AHCTF1: variants seen among roughly 807,000 people sequenced by gnomAD.
AHCTF1 encodes AT-hook containing transcription factor 1.
A neutral mutation model predicts 248.4 loss-of-function variants in AHCTF1; 24 were observed. The ratio of observed to expected loss-of-function variants is 0.10; its 90% CI spans 0.07 to 0.14. AHCTF1 has a LOEUF of 0.14. Among genes scored for constraint, AHCTF1 ranks in the 10% least tolerant of loss-of-function variants. The pLI, the probability that AHCTF1 is intolerant of heterozygous loss-of-function variation, is 1.00. For synonymous variants in AHCTF1, 786 were observed against 929.8 expected (o/e 0.85, Z 2.81); for missense variants, 2,206 against 2,636.2 (o/e 0.84, Z 3.57).
chr1:246,918,450 G>GA, intron 1 of AHCTF1, 73 bp from the exon 2 acceptor site: 2 of 1,350,272 alleles, frequency 1.5e-6, no homozygotes, highest in Non-Finnish European at 2.0e-6. Flanking sequence ...GTCCAGCCAG[G>GA]AAAAACAGTA....
At chr1:246,878,110 A>G (rs560733683) in intron 21 of AHCTF1, among the ~76,000 whole-genome samples, 2 of 152,180 alleles carry the variant, frequency 1.3e-5, no homozygotes, top group South Asian at 2.1e-4. Flanking sequence ...AAGAATATAC[A>G]GTAAGAGCCA....
intron 33 of AHCTF1, 63 bp downstream of exon 33, chr1:246,849,551 TA>T: frequency 6.6e-7 from 1 of 1,522,910 alleles, no homozygotes; most frequent in Non-Finnish European, 8.8e-7. Context: ...TTAGGACAAA[TA>T]ACCAAATTTT....
chr1:246,854,775 T>TAAGTGCAGAACTGGG (rs574949000), intron 31 of AHCTF1, among the ~76,000 whole-genome samples: 3 of 152,168 alleles, frequency 2.0e-5, no homozygotes, highest in Non-Finnish European at 4.4e-5. Context: ...ACACAGCCCT[T>TAAGTGCAGAACTGGG]AAGTGCAGAA....
chr1:246,873,700 T>C (rs1455567342), intron 24 of AHCTF1, among the ~76,000 whole-genome samples: 4 of 152,220 alleles, frequency 2.6e-5, no homozygotes, highest in Non-Finnish European at 5.9e-5. Flanking sequence ...TGTCCTATAC[T>C]GAATATACTA....
At chr1:246,926,045 T>C (rs1666900172) in intron 1 of AHCTF1, among the ~76,000 whole-genome samples, 1 of 107,614 alleles carries the variant, frequency 9.3e-6, no homozygotes, top group South Asian at 3.6e-4. Flanking sequence ...GACCCTGTCT[T>C]TAAAAAAAAA....
At chr1:246,853,923 G>C (rs1660906328) in intron 31 of AHCTF1, among the ~76,000 whole-genome samples, 1 of 152,260 alleles carries the variant, frequency 6.6e-6, no homozygotes, top group Admixed American at 6.5e-5. Context: ...TTGGCAAAAA[G>C]AGGACGACGA....
At chr1:246,858,799 C>CA (rs112857397) in intron 29 of AHCTF1, among the ~76,000 whole-genome samples, 37,752 of 129,820 alleles carry the variant, frequency 0.29, 5,034 homozygotes, top group Admixed American at 0.35. Context: ...AACTCTGTCT[C>CA]AAAAAAAAAA....
chr1:246,909,879 A>T (rs778282058), intron 4 of AHCTF1, among the ~76,000 whole-genome samples: 6 of 152,232 alleles, frequency 3.9e-5, no homozygotes, highest in Non-Finnish European at 8.8e-5. Context: ...AAGTAGCACC[A>T]GCAGTAACAA....
intron 24 of AHCTF1, among the ~76,000 whole-genome samples, chr1:246,873,083 G>A (rs181204573): frequency 1.2e-4 from 19 of 152,234 alleles, no homozygotes; most frequent in Admixed American, 1.1e-3. Flanking sequence ...CAGATCAGGC[G>A]CTACTAGGTT....
intron 24 of AHCTF1, among the ~76,000 whole-genome samples, chr1:246,869,127 G>A (rs573221699): frequency 9.2e-5 from 14 of 152,152 alleles, no homozygotes; most frequent in Admixed American, 3.9e-4. Context: ...ACAGGCGTGA[G>A]CCACCACGCC....
At chr1:246,926,764 G>A (rs916124607) in intron 1 of AHCTF1, among the ~76,000 whole-genome samples, 1 of 152,178 alleles carries the variant, frequency 6.6e-6, no homozygotes, top group Non-Finnish European at 1.5e-5. Flanking sequence ...GCTGAGGCAG[G>A]AGAATCACTT....
intron 11 of AHCTF1, among the ~76,000 whole-genome samples, chr1:246,899,057 C>A (rs1162257747): frequency 1.3e-5 from 2 of 152,130 alleles, no homozygotes; most frequent in Admixed American, 6.5e-5. Flanking sequence ...TCACTGCACC[C>A]CAGCCTGCGC....
chr1:246,913,497 A>G, intron 3 of AHCTF1, 85 bp from the exon 4 acceptor site: 1 of 1,309,136 alleles, frequency 7.6e-7, no homozygotes. Context: ...AAAGCAGGTT[A>G]TCAGTTATAA....
rs147859788 is a variant in AHCTF1, at chr1:246,869,679, G to A, written c.3089-1868C>T. Among the ~76,000 whole-genome samples, 183 of 151,592 alleles carry A rather than the reference G, an allele frequency of 1.2e-3. 2 individuals are homozygous for A. The highest frequency in any genetic ancestry group is 2.5e-3 in the South Asian group (12 of 4,786). The stretch of plus-strand genomic sequence containing the variant: ...ACATCTGTTGACAGCATGGTTTACC[G>A]AATATTTTAAGCCTACTGTTGAGAA... On this transcript the variant is annotated intron_variant, in intron 24 of 35. Coordinates refer to ENST00000648844, the MANE Select transcript of AHCTF1 (RefSeq NM_001323342.2).
At chr1:246,869,399 C>T (rs962441637) in intron 24 of AHCTF1, among the ~76,000 whole-genome samples, 1 of 152,154 alleles carries the variant, frequency 6.6e-6, no homozygotes, top group African/African-American at 2.4e-5. Context: ...AAAGCTAGAC[C>T]TCTTATGCCA....
chr1:246,862,858 A>T (rs902512146), intron 27 of AHCTF1, among the ~76,000 whole-genome samples: 1 of 152,268 alleles, frequency 6.6e-6, no homozygotes, highest in African/African-American at 2.4e-5. Flanking sequence ...AATCCTCTGA[A>T]GATTTCGTAT....
At chr1:246,921,870 A>G (rs1666571084) in intron 1 of AHCTF1, among the ~76,000 whole-genome samples, 2 of 152,362 alleles carry the variant, frequency 1.3e-5, no homozygotes, top group South Asian at 4.1e-4. Context: ...AATAGAGATC[A>G]GATAGAAGGT....
In AHCTF1 at chr1:246,931,932, C is replaced by A. The variant is rs558147399; in HGVS notation, c.-362G>T. 1 of 150,842 alleles carries A rather than the reference C, an allele frequency of 6.6e-6. No individual in the cohort carries two copies. The highest frequency in any genetic ancestry group is 1.5e-5 in the Non-Finnish European group (1 of 67,616). 9.3% of individuals were successfully genotyped at this position (150,842 alleles called of 1,614,324 possible). ...GCGCCGGCCCCGCTCTGCGCATTAC[C>A]CTGCGCCGACAAAACCGAGTTCCAC... On this transcript the variant is annotated 5_prime_UTR_variant, in exon 1 of 36. Transcript: ENST00000648844.
chr1:246,923,538 A>G (rs1666722838), intron 1 of AHCTF1, among the ~76,000 whole-genome samples: 1 of 152,256 alleles, frequency 6.6e-6, no homozygotes. Context: ...ACACAGAATC[A>G]CTAAGTTCAG....
Sources: allele counts gnomAD v4.1 joint callset (sites outside exome capture counted in the v4.1 genomes callset), GRCh38; gene constraint gnomAD v4.1.1; transcripts MANE v1.5; gene names NCBI Gene and HGNC (gene_info 2026-07-23, HGNC 2026-07-21).